Variants in CYP27A1 observed in about 807,000 individuals in gnomAD.
CYP27A1 encodes sterol 26-hydroxylase, mitochondrial.
A neutral mutation model predicts 58.2 loss-of-function variants in CYP27A1; 46 were observed. The observed-to-expected ratio is 0.79, with a 90% CI of 0.62 to 1.01. CYP27A1 has a LOEUF of 1.01. CYP27A1 is among the 50% of genes least tolerant of loss of function. The probability of loss-of-function intolerance (pLI) is 0.00; values close to 1 mark genes in which losing one functional copy is unlikely to be tolerated. For synonymous variants in CYP27A1, 274 were observed against 285.1 expected (o/e 0.96, Z 0.39); for missense variants, 704 against 687.0 (o/e 1.02, Z -0.28).
At position 218,814,667 on chromosome 2, in the gene CYP27A1, C is replaced by T; in HGVS notation, c.1386C>T (p.His462=). The change falls in exon 8 of 9, where the codon CAC becomes CAT. Residue 462 remains histidine (H), a synonymous_variant. Transcript: ENST00000258415. ...AGCCTGCTACCCCCAGGATCCAGCA[C>T]CCATTTGGCTCTGTGCCCTTTGGCT... ...NSQPATPRIQ[H]PFGSVPFGYG... 6.2e-7 allele frequency: 1 copy of T among 1,614,250 alleles called. No homozygotes were observed. The highest frequency in any genetic ancestry group is 8.5e-7 in the Non-Finnish European group (1 of 1,180,042).
intron 1 of CYP27A1, 113 bp from the exon 2 acceptor site, chr2:218,809,464 T>TCC: frequency 2.8e-6 from 1 of 355,636 alleles, no homozygotes; most frequent in Non-Finnish European, 5.3e-6. Flanking sequence ...TTTTTTTTTT[T>TCC]GCCCAGCTCA....
At chr2:218,791,066 C>T (rs1475076573) in intron 1 of CYP27A1, among the ~76,000 whole-genome samples, 1 of 152,110 alleles carries the variant, frequency 6.6e-6, no homozygotes, top group Non-Finnish European at 1.5e-5. Context: ...GAACACCTGA[C>T]TTCAAGTGAT....
intron 1 of CYP27A1, among the ~76,000 whole-genome samples, chr2:218,797,432 C>G (rs1377761535): frequency 6.6e-6 from 1 of 152,100 alleles, no homozygotes; most frequent in Non-Finnish European, 1.5e-5. Context: ...ACTCAGACAT[C>G]AGAATTTCCG....
intron 1 of CYP27A1, among the ~76,000 whole-genome samples, chr2:218,796,886 A>G (rs752597859): frequency 6.6e-6 from 1 of 152,170 alleles, no homozygotes; most frequent in Non-Finnish European, 1.5e-5. Flanking sequence ...CTTTATTCCA[A>G]TGTCGCAATA....
In CYP27A1 at chr2:218,812,967, A is replaced by G. The variant is rs61733619; in HGVS notation, c.888A>G (p.Gln296=). The change falls in exon 5 of 9, where the codon CAA becomes CAG. Residue 296 remains glutamine (Q), a synonymous_variant. Coordinates refer to ENST00000258415, the MANE Select transcript of CYP27A1 (RefSeq NM_000784.4). ...IDEKLEDMEA[Q]LQAAGPDGIQ... ...AGAAGCTCGAAGATATGGAGGCCCAACTGCAGGCAGCAGGGCCAGATGGCA... is the reference window on the plus strand; with the variant it reads ...AGAAGCTCGAAGATATGGAGGCCCAGCTGCAGGCAGCAGGGCCAGATGGCA... 34,651 of 1,614,122 alleles carry G rather than the reference A, an allele frequency of 0.021. 460 individuals carry two copies. Among genetic ancestry groups the G allele is most frequent in the Middle Eastern group, 0.028 (170 of 6,062 alleles).
chr2:218,789,836 G>A (rs1330124134), intron 1 of CYP27A1, among the ~76,000 whole-genome samples: 2 of 152,148 alleles, frequency 1.3e-5, no homozygotes, highest in Non-Finnish European at 2.9e-5. Flanking sequence ...CAGAGCAGTG[G>A]GTTTTGTAAG....
At chr2:218,800,992 T>A (rs12623740) in intron 1 of CYP27A1, among the ~76,000 whole-genome samples, 84,838 of 152,072 alleles carry the variant, frequency 0.56, 25,280 homozygotes, top group African/African-American at 0.76. Context: ...GTTGGTATAC[T>A]TTTAGATTTT....
chr2:218,798,653 C>A (rs543838282), intron 1 of CYP27A1, among the ~76,000 whole-genome samples: 1 of 152,036 alleles, frequency 6.6e-6, no homozygotes, highest in African/African-American at 2.4e-5. Flanking sequence ...GAGGCTGAGG[C>A]GGATGGATCA....
rs1943770025 is a variant in CYP27A1, at chr2:218,814,739, G to T, written c.1458G>T (p.Met486Ile). The T allele has an allele frequency of 6.2e-7, 1 of 1,614,080 alleles. No homozygotes were observed. The highest frequency in any genetic ancestry group is 1.3e-5 in the African/African-American group (1 of 74,946). ...CLGRRIAELE[M>I]QLLLARLIQK... The stretch of plus-strand genomic sequence containing the variant: ...GCCGCAGGATTGCAGAGCTGGAGAT[G>T]CAGCTACTCCTCGCAAGGGTGAGCT... The change falls in exon 8 of 9, where the codon ATG (methionine) becomes ATT (isoleucine). Residue 486 changes from methionine to isoleucine, a missense_variant. Coordinates refer to ENST00000258415, the MANE Select transcript of CYP27A1 (RefSeq NM_000784.4).
intron 5 of CYP27A1, among the ~76,000 whole-genome samples, chr2:218,813,711 A>G (rs1274260068): frequency 2.6e-5 from 4 of 151,996 alleles, no homozygotes. Context: ...GATTATAGGC[A>G]TGAGCCATTG....
In CYP27A1 at chr2:218,814,444, C is replaced by T; in HGVS notation, c.1249C>T (p.Leu417Phe). The T allele has an allele frequency of 6.2e-7, 1 of 1,614,268 alleles. No individual in the cohort carries two copies. Among genetic ancestry groups the T allele is most frequent in the Non-Finnish European group, 8.5e-7 (1 of 1,180,042 alleles). ...IEKEIEVDGF[L>F]FPKNTQFVFC... Reference sequence around the variant, plus strand: ...AAAGGAAATTGAAGTTGATGGCTTCCTCTTCCCCAAGAACGTGAGTGGGGC... The same window carrying T: ...AAAGGAAATTGAAGTTGATGGCTTCTTCTTCCCCAAGAACGTGAGTGGGGC... The change falls in exon 7 of 9, where the codon CTC becomes TTC. Residue 417 changes from leucine to phenylalanine, a missense_variant. By Grantham distance (22) the Leu-to-Phe change is conservative. Coordinates refer to ENST00000258415, the MANE Select transcript of CYP27A1 (RefSeq NM_000784.4).
In CYP27A1 at chr2:218,815,132, C is replaced by T. The variant is rs1943777476; in HGVS notation, c.*102C>T. ...TCAGATGAGGAGGGAGAGAAGGAGGCCGCCAGACTCGAGAGGTGGGAGGAA... is the reference window on the plus strand; with the variant it reads ...TCAGATGAGGAGGGAGAGAAGGAGGTCGCCAGACTCGAGAGGTGGGAGGAA... On this transcript the variant is annotated 3_prime_UTR_variant, in exon 9 of 9. Coordinates refer to ENST00000258415, the MANE Select transcript of CYP27A1 (RefSeq NM_000784.4). 1 of 1,451,228 alleles carries T rather than the reference C, an allele frequency of 6.9e-7. No homozygotes were observed. The highest frequency in any genetic ancestry group is 1.8e-5 in the Admixed American group (1 of 56,066). The allele number at this position is 1,451,228 out of a possible 1,614,324, so 89.9% of individuals were successfully genotyped here.
rs375643077 is a variant in CYP27A1, at chr2:218,812,362, G to T, written c.587G>T (p.Ser196Ile). ...CGACTGGACCAGCTGCGGGCAGAGA[G>T]TGCTTCGGGGAACCAGGTGTCGGAC... ...MTRLDQLRAE[S>I]ASGNQVSDMA... The change falls in exon 3 of 9, where the codon AGT (serine) becomes ATT (isoleucine). Residue 196 changes from serine to isoleucine, a missense_variant. Coordinates refer to ENST00000258415, the MANE Select transcript of CYP27A1 (RefSeq NM_000784.4). 5.0e-6 allele frequency: 8 copies of T among 1,614,118 alleles called. No homozygotes were observed. The highest frequency in any genetic ancestry group is 6.8e-6 in the Non-Finnish European group (8 of 1,180,046).
rs1366928275 is a variant in CYP27A1, at chr2:218,782,828, A to G, written c.255+391A>G. 7.2e-5 allele frequency among the ~76,000 whole-genome samples: 11 copies of G among 152,162 alleles called. No homozygotes were observed. Among genetic ancestry groups the G allele is most frequent in the Admixed American group, 6.5e-4 (10 of 15,272 alleles). ...ACCACAGACTTCTTCCAAACGAAAT[A>G]ACTTCAGGAGGATTATAGAAACCTC... On this transcript the variant is annotated intron_variant, in intron 1 of 8. Coordinates refer to ENST00000258415, the MANE Select transcript of CYP27A1 (RefSeq NM_000784.4). This position sits in a 1 kb window ranked among gnomAD's most constrained non-coding sequence, Gnocchi z 4.1.
Position 218,809,646 on chromosome 2 carries a change from G to A in CYP27A1, c.325G>A (p.Ala109Thr). 1 of 1,614,116 alleles carries A rather than the reference G, an allele frequency of 6.2e-7. No individual in the cohort carries two copies. Residue 109 changes from alanine to threonine, a missense_variant, in exon 2 of 9, where the codon GCC becomes ACC. Physicochemically the swap from Ala to Thr is moderately conservative, Grantham distance 58. Transcript: ENST00000258415. ...YLGPQMHVNLASAPLLEQVMR... is the reference protein window; with the variant it reads ...YLGPQMHVNLTSAPLLEQVMR... The stretch of plus-strand genomic sequence containing the variant: ...AGGGCCTCAGATGCACGTGAACCTG[G>A]CCAGTGCCCCGCTCTTGGAGCAAGT...
chr2:218,788,821 CT>C (rs1943464896), intron 1 of CYP27A1, among the ~76,000 whole-genome samples: 1 of 152,122 alleles, frequency 6.6e-6, no homozygotes, highest in Non-Finnish European at 1.5e-5. Flanking sequence ...TGACAAAAAC[CT>C]TTGATTAGAT....
chr2:218,807,736 GTAGC>G (rs1943666063), intron 1 of CYP27A1, among the ~76,000 whole-genome samples: 1 of 151,762 alleles, frequency 6.6e-6, no homozygotes, highest in South Asian at 2.1e-4. Context: ...CAGCCTCCGA[GTAGC>G]TGGAATCACA....
In CYP27A1 at chr2:218,783,680, C is replaced by A. The variant is rs551096942; in HGVS notation, c.255+1243C>A. Among the ~76,000 whole-genome samples, 3 of 152,212 alleles carry A rather than the reference C, an allele frequency of 2.0e-5. No homozygotes were observed. In the East Asian group the frequency reaches 5.8e-4, roughly 29 times the overall value. On this transcript the variant is annotated intron_variant, in intron 1 of 8. Transcript: ENST00000258415. ...CACAGAGAGAACTCTGGGGGAGAAG[C>A]TGTTCTAAGGTTGGGGAAGAGGGAG...
chr2:218,810,354 G>A (rs1282753667), intron 2 of CYP27A1, among the ~76,000 whole-genome samples: 1 of 152,064 alleles, frequency 6.6e-6, no homozygotes. Context: ...GGTTTTCACT[G>A]GGCCAGGCCA....
Sources: allele counts gnomAD v4.1 joint callset (sites outside exome capture counted in the v4.1 genomes callset), GRCh38; gene constraint gnomAD v4.1.1; non-coding constraint Gnocchi (gnomAD v3.1); transcripts MANE v1.5; gene names NCBI Gene and HGNC (gene_info 2026-07-23, HGNC 2026-07-21).